Variants in ADGRG1 observed in about 807,000 individuals in gnomAD.
The protein encoded by ADGRG1 is adhesion G protein-coupled receptor G1.
ADGRG1 carries 53 observed loss-of-function variants against 73.5 expected under a neutral mutation model. The observed-to-expected ratio is 0.72, with a 90% CI of 0.58 to 0.91. The LOEUF is 0.91. ADGRG1 is among the 40% of genes least tolerant of loss of function. The pLI, the probability that ADGRG1 is intolerant of heterozygous loss-of-function variation, is 0.00. For missense variants in ADGRG1, 795 were observed against 871.8 expected (o/e 0.91, Z 1.11); for synonymous variants, 394 against 374.4 (o/e 1.05, Z -0.60).
intron 2 of ADGRG1, among the ~76,000 whole-genome samples, chr16:57,622,467 C>T (rs1254092992): frequency 2.6e-5 from 4 of 152,154 alleles, no homozygotes; most frequent in Admixed American, 6.5e-5. Flanking sequence ...CTTCTGGCTC[C>T]AATACCCTGA....
chr16:57,631,538 C>T, intron 1 of ADGRG1: 1 of 985,614 alleles, frequency 1.0e-6, no homozygotes, highest in South Asian at 4.7e-5. Context: ...TCCTCCCAGA[C>T]TGGAGCTTGA....
intron 13 of ADGRG1, chr16:57,662,813 C>A: frequency 2.8e-6 from 1 of 355,050 alleles, no homozygotes; most frequent in African/African-American, 2.2e-5. Context: ...CAGGCATGCA[C>A]ACCCCTCTGT....
At chr16:57,662,436 G>A (rs868214362) in intron 13 of ADGRG1, among the ~76,000 whole-genome samples, 6 of 152,116 alleles carry the variant, frequency 3.9e-5, no homozygotes, top group African/African-American at 9.7e-5. Flanking sequence ...TACTCCAGGC[G>A]CGGTCCACAG....
intron 1 of ADGRG1, chr16:57,633,411 G>C: frequency 1.0e-6 from 1 of 985,412 alleles, no homozygotes; most frequent in South Asian, 4.7e-5. Flanking sequence ...CGGCTTTGTG[G>C]GGATGAACCG....
chr16:57,634,398 C>A (rs34286116), intron 1 of ADGRG1: 40,030 of 985,416 alleles, frequency 0.041, 918 homozygotes, highest in Non-Finnish European at 0.045. Context: ...TGCTGTGTCA[C>A]CATCTGGGCA....
intron 1 of ADGRG1, chr16:57,631,256 T>C (rs2037813152): frequency 1.0e-6 from 1 of 986,182 alleles, no homozygotes; most frequent in African/African-American, 1.7e-5. Flanking sequence ...AGGCCCAGCA[T>C]GACAAAGGCA....
chr16:57,649,298 A>T (rs1377964557), intron 1 of ADGRG1, among the ~76,000 whole-genome samples: 1 of 152,064 alleles, frequency 6.6e-6, no homozygotes, highest in Non-Finnish European at 1.5e-5. Context: ...CACAGCCTTT[A>T]TCCAGCAACC....
At chr16:57,642,445 T>C in intron 1 of ADGRG1, 1 of 985,350 alleles carries the variant, frequency 1.0e-6, no homozygotes, top group Non-Finnish European at 1.2e-6. Flanking sequence ...CTGGAGGTGC[T>C]GGCAGGCTTC....
upstream of ADGRG1, chr16:57,625,730 TACC>T: frequency 1.2e-6 from 1 of 863,550 alleles, no homozygotes; most frequent in Non-Finnish European, 1.4e-6. Context: ...GGCCTCTCCC[TACC>T]CAAACATCTT....
chr16:57,628,857 A>AGTGTGAGTGTGAGT, intron 1 of ADGRG1, 55 bp downstream of exon 1: 2 of 975,244 alleles, frequency 2.1e-6, no homozygotes, highest in Non-Finnish European at 2.4e-6. Flanking sequence ...TGAGTGTGAG[A>AGTGTGAGTGTGAGT]GTGTGAGTGT....
chr16:57,663,404 G>A (rs1414674413), intron 13 of ADGRG1, 48 bp from the exon 14 acceptor site: 2 of 1,608,934 alleles, frequency 1.2e-6, no homozygotes, highest in Admixed American at 1.7e-5. Flanking sequence ...GAGGAGGGAT[G>A]GGGTGGGGCT....
upstream of ADGRG1, chr16:57,626,905 G>A: frequency 2.0e-6 from 2 of 985,216 alleles, no homozygotes; most frequent in Non-Finnish European, 1.2e-6. Context: ...CCTTGTTAGT[G>A]GGCCCCCAGT....
intron 4 of ADGRG1, chr16:57,653,555 C>G: frequency 1.0e-6 from 1 of 985,392 alleles, no homozygotes; most frequent in Non-Finnish European, 1.2e-6. Flanking sequence ...CCATCCCAAG[C>G]CCTCCTCCCC....
At chr16:57,631,371 T>C (rs1264038537) in intron 1 of ADGRG1, 57 of 985,316 alleles carry the variant, frequency 5.8e-5, no homozygotes, top group Non-Finnish European at 6.7e-5. Context: ...TGTGTGCAGG[T>C]GGGGTCTGGG....
chr16:57,652,629 C>G, intron 3 of ADGRG1: 3 of 985,138 alleles, frequency 3.0e-6, no homozygotes, highest in Non-Finnish European at 3.6e-6. Flanking sequence ...TCACCTAAAA[C>G]CCAGGCTTTC....
chr16:57,655,070 C>T (rs2045331999), intron 5 of ADGRG1: 2 of 985,220 alleles, frequency 2.0e-6, no homozygotes, highest in Non-Finnish European at 2.4e-6. Context: ...TAGCTGGGAA[C>T]CACCCACACT....
chr16:57,623,224 G>C, upstream of ADGRG1: 1 of 985,384 alleles, frequency 1.0e-6, no homozygotes, highest in African/African-American at 1.7e-5. Flanking sequence ...CCTGCTCCAA[G>C]TCTAGAACCT....
intron 1 of ADGRG1, chr16:57,643,819 GGAGTGGGAATAGGGGAGGA>G (rs2041486901): frequency 1.0e-6 from 1 of 984,542 alleles, no homozygotes; most frequent in Non-Finnish European, 1.2e-6. Context: ...ATGGGGGAGG[GGAGTGGGAATAGGGGAGGA>G]GAGTGCTTCT....
At chr16:57,642,308 C>T in intron 1 of ADGRG1, 2 of 985,320 alleles carry the variant, frequency 2.0e-6, no homozygotes, top group Non-Finnish European at 2.4e-6. Context: ...TCACCAGGGA[C>T]CTCTTTCCTG....
Sources: gnomAD v4.1 joint callset for allele counts (sites outside exome capture counted in the v4.1 genomes callset) on GRCh38, gnomAD v4.1.1 for gene constraint, MANE v1.5 for transcripts, NCBI Gene and HGNC (gene_info 2026-07-23, HGNC 2026-07-21) for gene names.